HEMK2: variants seen among roughly 807,000 people sequenced by gnomAD.
HEMK2 encodes the protein methyltransferase HEMK2.
chr21:28,840,032 G>C, the HEMK2 span, among the ~76,000 whole-genome samples: 1 of 152,134 alleles, frequency 6.6e-6, no homozygotes, highest in Non-Finnish European at 1.5e-5. Flanking sequence ...AAGACCAATG[G>C]AACAGAAGAG....
the HEMK2 span, among the ~76,000 whole-genome samples, chr21:28,831,626 A>G: frequency 0.011 from 803 of 73,196 alleles, 112 homozygotes; most frequent in African/African-American, 0.059. Context: ...AAAGAAGGAA[A>G]GAAGGAAGGA....
the HEMK2 span, among the ~76,000 whole-genome samples, chr21:28,588,993 A>C: frequency 6.6e-6 from 1 of 151,910 alleles, no homozygotes; most frequent in Admixed American, 6.6e-5. Flanking sequence ...AAAAAAAAAA[A>C]AAAAAGAGTT....
At chr21:28,697,339 G>T in the HEMK2 span, among the ~76,000 whole-genome samples, 1 of 152,106 alleles carries the variant, frequency 6.6e-6, no homozygotes, top group African/African-American at 2.4e-5. Flanking sequence ...GCAAAATGCT[G>T]CCAGTCTCTT....
the HEMK2 span, among the ~76,000 whole-genome samples, chr21:28,763,514 A>T: frequency 6.6e-6 from 1 of 152,094 alleles, no homozygotes; most frequent in Non-Finnish European, 1.5e-5. Context: ...GCGACTTCCC[A>T]CCAGGCCCCA....
chr21:28,846,405 A>T, the HEMK2 span, among the ~76,000 whole-genome samples: 1 of 152,134 alleles, frequency 6.6e-6, no homozygotes, highest in East Asian at 1.9e-4. Flanking sequence ...ACTAATTTAC[A>T]TTCCCACCAG....
the HEMK2 span, among the ~76,000 whole-genome samples, chr21:28,692,907 T>C: frequency 6.6e-6 from 1 of 152,280 alleles, no homozygotes; most frequent in Admixed American, 6.5e-5. Flanking sequence ...AAGGCCACAT[T>C]TTGTATGCTT....
chr21:28,621,962 G>A, the HEMK2 span, among the ~76,000 whole-genome samples: 1 of 152,032 alleles, frequency 6.6e-6, no homozygotes, highest in Non-Finnish European at 1.5e-5. Context: ...ATCTTTGTTG[G>A]TTTAAAGTCT....
At chr21:28,615,395 T>C in the HEMK2 span, among the ~76,000 whole-genome samples, 4 of 151,184 alleles carry the variant, frequency 2.6e-5, no homozygotes, top group African/African-American at 9.8e-5. Context: ...TCTGTCTCTG[T>C]CGCTGTCTCT....
chr21:28,832,690 A>G, the HEMK2 span, among the ~76,000 whole-genome samples: 6 of 152,238 alleles, frequency 3.9e-5, no homozygotes, highest in Admixed American at 6.5e-5. Flanking sequence ...ACAAATACTC[A>G]TACTCTAAAT....
At chr21:28,773,558 C>A in the HEMK2 span, among the ~76,000 whole-genome samples, 1 of 152,084 alleles carries the variant, frequency 6.6e-6, no homozygotes, top group African/African-American at 2.4e-5. Context: ...CTTGAGCAGG[C>A]AAGTAGTTTG....
chr21:28,824,257 G>A, the HEMK2 span, among the ~76,000 whole-genome samples: 1 of 152,016 alleles, frequency 6.6e-6, no homozygotes, highest in Non-Finnish European at 1.5e-5. Context: ...AACTCTAATG[G>A]GCATCCAAGG....
the HEMK2 span, among the ~76,000 whole-genome samples, chr21:28,713,375 T>C: frequency 6.6e-6 from 1 of 152,126 alleles, no homozygotes; most frequent in Non-Finnish European, 1.5e-5. Context: ...AAGCCCTGCA[T>C]TGGTTCCCAC....
the HEMK2 span, among the ~76,000 whole-genome samples, chr21:28,749,199 T>C: frequency 6.6e-6 from 1 of 152,198 alleles, no homozygotes; most frequent in Non-Finnish European, 1.5e-5. Flanking sequence ...TATGAGACTA[T>C]GAATATGACT....
chr21:28,778,613 C>A, the HEMK2 span, among the ~76,000 whole-genome samples: 1 of 152,142 alleles, frequency 6.6e-6, no homozygotes, highest in African/African-American at 2.4e-5. Context: ...CATATTTTAG[C>A]CATCCAGATA....
chr21:28,839,845 T>G, the HEMK2 span, among the ~76,000 whole-genome samples: 1 of 152,126 alleles, frequency 6.6e-6, no homozygotes, highest in Admixed American at 6.5e-5. Flanking sequence ...ACCACCATTC[T>G]TCACAGAATT....
chr21:28,589,136 T>A, the HEMK2 span, among the ~76,000 whole-genome samples: 2 of 152,102 alleles, frequency 1.3e-5, no homozygotes, highest in Admixed American at 1.3e-4. Flanking sequence ...GATAAACAGA[T>A]CAGTGGTTAT....
At chr21:28,849,496 A>G in the HEMK2 span, among the ~76,000 whole-genome samples, 12 of 152,334 alleles carry the variant, frequency 7.9e-5, no homozygotes, top group South Asian at 8.3e-4. Context: ...TGTCTGCACT[A>G]GTTCCCTAGC....
the HEMK2 span, among the ~76,000 whole-genome samples, chr21:28,809,917 G>C: frequency 1.3e-5 from 2 of 152,178 alleles, no homozygotes; most frequent in East Asian, 3.9e-4. Context: ...ACCTTGTAAG[G>C]TTATCCATTT....
chr21:28,839,733 G>A, the HEMK2 span, among the ~76,000 whole-genome samples: 1 of 152,080 alleles, frequency 6.6e-6, no homozygotes, highest in Non-Finnish European at 1.5e-5. Context: ...TCAACAAATG[G>A]AAACATATCC....
Sources: gnomAD v4.1 joint callset for allele counts (sites outside exome capture counted in the v4.1 genomes callset) on GRCh38, gnomAD v4.1.1 for gene constraint, MANE v1.5 for transcripts, NCBI Gene and HGNC (gene_info 2026-07-23, HGNC 2026-07-21) for gene names.